OTUD4: variants seen among roughly 807,000 people sequenced by gnomAD.
OTUD4 encodes OTU deubiquitinase 4, also known as OTU domain-containing protein 4.
Under a neutral mutation model 130.4 loss-of-function variants are expected in OTUD4, and 24 were observed. The observed-to-expected ratio is 0.18, with a 90% confidence interval of 0.13 to 0.26. The LOEUF is 0.26. Among genes scored for constraint, OTUD4 ranks in the 10% least tolerant of loss-of-function variants. The pLI is 1.00. For missense variants in OTUD4, 1,031 were observed against 1,329.4 expected (o/e 0.78, Z 3.49); for synonymous variants, 420 against 472.5 (o/e 0.89, Z 1.44).
intron 11 of OTUD4, among the ~76,000 whole-genome samples, chr4:145,151,468 T>C (rs138307915): frequency 6.6e-6 from 1 of 152,208 alleles, no homozygotes; most frequent in East Asian, 1.9e-4. Flanking sequence ...ACCCCATCTC[T>C]ACTAAAAACA....
At chr4:145,138,822 C>CA (rs1343399394) in intron 20 of OTUD4, among the ~76,000 whole-genome samples, 172 bp from the exon 21 acceptor site, 1 of 152,172 alleles carries the variant, frequency 6.6e-6, no homozygotes, top group African/African-American at 2.4e-5. Context: ...AAATGAATTA[C>CA]AAAATTCACT....
intron 13 of OTUD4, chr4:145,149,432 A>G (rs1296870867): frequency 6.6e-6 from 1 of 152,242 alleles, no homozygotes; most frequent in Admixed American, 6.5e-5. Context: ...ATTTTGTTAC[A>G]ACAGCCCCAA....
chr4:145,140,867 C>CAGT (rs1553997116), intron 19 of OTUD4, among the ~76,000 whole-genome samples: 2 of 151,944 alleles, frequency 1.3e-5, no homozygotes, highest in Non-Finnish European at 2.9e-5. Context: ...ATGCTAGAAA[C>CAGT]AAAAAAAAAT....
chr4:145,153,264 C>G (rs1488978584), intron 10 of OTUD4, among the ~76,000 whole-genome samples: 1 of 152,182 alleles, frequency 6.6e-6, no homozygotes, highest in Non-Finnish European at 1.5e-5. Flanking sequence ...CTAAACAAAA[C>G]AGGCAGCAGG....
At chr4:145,151,239 CAT>C (rs1393490090) in intron 11 of OTUD4, among the ~76,000 whole-genome samples, 13 of 152,276 alleles carry the variant, frequency 8.5e-5, no homozygotes, top group African/African-American at 2.4e-4. Flanking sequence ...GTTAGAGAAA[CAT>C]ATAAACATCT....
In OTUD4 at chr4:145,179,677, T is replaced by C. The variant is rs369201582; in HGVS notation, c.159+138A>G. 12 of 1,405,394 alleles carry C rather than the reference T, an allele frequency of 8.5e-6. No homozygotes were observed. The East Asian group carries it at 2.3e-4, about 27-fold the overall frequency. The allele number at this position is 1,405,394 out of a possible 1,614,324, so 87.1% of individuals were successfully genotyped here. ...GCAGCGTCCCACTCCGGCGTTACAA[T>C]GGGGCGCTGTGACGACAGCCAGGGC... On this transcript the variant is annotated intron_variant, in intron 1 of 20. Transcript: ENST00000447906.
chr4:145,142,138 G>C (rs1750594743), intron 18 of OTUD4, 58 bp downstream of exon 18: 5 of 1,487,756 alleles, frequency 3.4e-6, no homozygotes, highest in Middle Eastern at 2.4e-4. Context: ...TCAAGAATTT[G>C]AAGTCTCTGA....
intron 1 of OTUD4, among the ~76,000 whole-genome samples, chr4:145,175,614 G>A (rs1752380970): frequency 1.3e-5 from 2 of 150,974 alleles, no homozygotes; most frequent in Admixed American, 1.3e-4. Context: ...GCGCAAGCTT[G>A]GCTCTCTGCA....
At chr4:145,152,215 G>T (rs1751098115) in intron 11 of OTUD4, among the ~76,000 whole-genome samples, 1 of 152,104 alleles carries the variant, frequency 6.6e-6, no homozygotes, top group East Asian at 1.9e-4. Flanking sequence ...TGATTCAAGC[G>T]ATTCTCCTCC....
At chr4:145,141,168 CAAAAAAAAAAA>C in intron 19 of OTUD4, among the ~76,000 whole-genome samples, 200 bp downstream of exon 19, 1 of 54,922 alleles carries the variant, frequency 1.8e-5, no homozygotes, top group African/African-American at 6.2e-5. Flanking sequence ...GACTCCGTCT[CAAAAAAAAAAA>C]AAAAAAAAAA....
chr4:145,178,533 G>T (rs1561004310), intron 1 of OTUD4: 1 of 151,196 alleles, frequency 6.6e-6, no homozygotes, highest in Non-Finnish European at 1.5e-5. Flanking sequence ...ATAAGGACCG[G>T]AGGCAGTGGG....
In OTUD4 at chr4:145,151,076, TA is replaced by T. The variant is rs36226297; in HGVS notation, c.969-172del. On this transcript the variant is annotated intron_variant, in intron 11 of 20. Coordinates refer to ENST00000447906, the MANE Select transcript of OTUD4 (RefSeq NM_001366057.1). ...TTTACCAATCCAGATGTAATTCTAA[TA>T]AAAAAAAATGATATAAATCAAAAGC... Among the ~76,000 whole-genome samples the T allele has an allele frequency of 6.8e-3, 1,022 of 151,136 alleles. 7 individuals are homozygous for T. Among genetic ancestry groups the T allele is most frequent in the African/African-American group, 0.014 (559 of 41,220 alleles).
chr4:145,146,494 TTCTTGTC>T, intron 13 of OTUD4, 65 bp from the exon 14 acceptor site: 1 of 955,252 alleles, frequency 1.0e-6, no homozygotes, highest in Admixed American at 3.8e-5. Context: ...AAATAAAACA[TTCTTGTC>T]AAAAAAAAAA....
chr4:145,174,620 CCAAGT>C, intron 2 of OTUD4, 36 bp downstream of exon 2: 1 of 1,152,034 alleles, frequency 8.7e-7, no homozygotes, highest in Non-Finnish European at 1.3e-6. Flanking sequence ...AAATGTAAAA[CCAAGT>C]CAAGACACCA....
intron 1 of OTUD4, among the ~76,000 whole-genome samples, chr4:145,176,521 T>C (rs925547996): frequency 6.9e-6 from 1 of 145,878 alleles, no homozygotes; most frequent in African/African-American, 2.5e-5. Context: ...ACCCCATCTC[T>C]ACTAAAAAAT....
Position 145,136,578 on chromosome 4 carries a change from T to TA in OTUD4, c.*851dup, listed in dbSNP as rs995002206. On this transcript the variant is annotated 3_prime_UTR_variant, in exon 21 of 21. Coordinates refer to ENST00000447906, the MANE Select transcript of OTUD4 (RefSeq NM_001366057.1). ...CAGTGCATTAGTGTTAAAGTGGCATTAAAAAAACTTCTGCAGTTCTAACTG... is the reference window on the plus strand; with the variant it reads ...CAGTGCATTAGTGTTAAAGTGGCATTAAAAAAAACTTCTGCAGTTCTAACTG... 7.4e-5 allele frequency: 11 copies of TA among 149,028 alleles called. No individual in the cohort carries two copies. Among genetic ancestry groups the TA allele is most frequent in the Admixed American group, 2.8e-4 (4 of 14,466 alleles). The allele number at this position is 149,028 out of a possible 1,614,324, so 9.2% of individuals were successfully genotyped here. A position where few individuals can be genotyped will look rare whatever the true frequency, so the allele number is the denominator to read the frequency against.
Position 145,144,408 on chromosome 4 carries a change from A to C in OTUD4, c.1449T>G (p.Ser483=). 1 of 1,611,842 alleles carries C rather than the reference A, an allele frequency of 6.2e-7. No individual in the cohort carries two copies. The highest frequency in any genetic ancestry group is 1.1e-5 in the South Asian group (1 of 90,638). The change falls in exon 15 of 21, where the codon TCT becomes TCG. Residue 483 remains serine, a synonymous_variant. Coordinates refer to ENST00000447906, the MANE Select transcript of OTUD4 (RefSeq NM_001366057.1). ...LSSSSVNQSA[S]QSSNPCVQRK... is the part of the protein sequence containing the mutation. ...TCTGGACACATGGATTGCTACTCTGAGAAGCTGACTGATTGACTGATGAGC... is the reference window on the plus strand; with the variant it reads ...TCTGGACACATGGATTGCTACTCTGCGAAGCTGACTGATTGACTGATGAGC...
chr4:145,173,626 A>C (rs1014821538), intron 2 of OTUD4, among the ~76,000 whole-genome samples: 1 of 152,134 alleles, frequency 6.6e-6, no homozygotes, highest in Non-Finnish European at 1.5e-5. Context: ...GGTTTTTTTA[A>C]TAAAACAAGG....
intron 14 of OTUD4, 41 bp downstream of exon 14, chr4:145,146,226 A>C: frequency 7.4e-7 from 1 of 1,349,814 alleles, no homozygotes; most frequent in South Asian, 1.9e-5. Flanking sequence ...ATTAAGAGAA[A>C]CTTCTGTATA....
Sources: gnomAD v4.1 joint callset for allele counts (sites outside exome capture counted in the v4.1 genomes callset) on GRCh38, gnomAD v4.1.1 for gene constraint, MANE v1.5 for transcripts, NCBI Gene and HGNC (gene_info 2026-07-23, HGNC 2026-07-21) for gene names.